Variants in ACSF3 observed in about 807,000 individuals in gnomAD.
ACSF3 encodes acyl-CoA synthetase family member 3, also known as malonate--CoA ligase ACSF3, mitochondrial.
A neutral mutation model predicts 53.2 loss-of-function variants in ACSF3; 78 were observed. That is an observed-to-expected ratio of 1.47 (90% CI 1.22 to 1.77). The LOEUF (loss-of-function observed/expected upper bound fraction) is 1.77. Ranked by LOEUF, ACSF3 falls within the 40% of genes most tolerant of loss-of-function variation. ACSF3 has a pLI of 0.00. For missense variants in ACSF3, 937 were observed against 771.1 expected (o/e 1.22, Z -2.55); for synonymous variants, 414 against 333.1 (o/e 1.24, Z -2.65).
intron 8 of ACSF3, among the ~76,000 whole-genome samples, chr16:89,140,235 C>T (rs537640010): frequency 3.5e-4 from 54 of 152,356 alleles, no homozygotes; most frequent in African/African-American, 1.2e-3. Context: ...CCCTCTGAGC[C>T]TCAGTCTGTC....
At chr16:89,151,864 C>T (rs1914131604) in intron 10 of ACSF3, 1 of 152,286 alleles carries the variant, frequency 6.6e-6, no homozygotes, top group Non-Finnish European at 1.5e-5. Flanking sequence ...GCCTCGGCCT[C>T]CCGAAGTCCT....
At chr16:89,119,119 T>C (rs1597978329) in intron 6 of ACSF3, among the ~76,000 whole-genome samples, 1 of 151,834 alleles carries the variant, frequency 6.6e-6, no homozygotes, top group Admixed American at 6.6e-5. Flanking sequence ...GCACCTGGAG[T>C]GTGGGGGCCA....
intron 4 of ACSF3, among the ~76,000 whole-genome samples, chr16:89,104,758 C>T (rs962125987): frequency 1.3e-5 from 2 of 152,150 alleles, no homozygotes; most frequent in African/African-American, 2.4e-5. Flanking sequence ...GGTTGGAGGC[C>T]GGCTCACAGT....
intron 6 of ACSF3, 88 bp downstream of exon 6, chr16:89,114,575 C>T: frequency 1.9e-6 from 3 of 1,579,502 alleles, no homozygotes; most frequent in Middle Eastern, 4.4e-4. Flanking sequence ...CACATTCGGA[C>T]TGAAGGGCGG....
intron 10 of ACSF3, chr16:89,151,865 C>G (rs919675741): frequency 1.3e-5 from 2 of 152,292 alleles, no homozygotes; most frequent in Non-Finnish European, 2.9e-5. Flanking sequence ...CCTCGGCCTC[C>G]CGAAGTCCTG....
chr16:89,111,518 G>A (rs746010462), intron 4 of ACSF3, among the ~76,000 whole-genome samples: 21 of 152,246 alleles, frequency 1.4e-4, no homozygotes, highest in Non-Finnish European at 1.8e-4. Flanking sequence ...GGAACACCGC[G>A]GGTAGAGAGG....
At chr16:89,123,297 G>T (rs1023465852) in intron 7 of ACSF3, among the ~76,000 whole-genome samples, 2 of 152,158 alleles carry the variant, frequency 1.3e-5, no homozygotes, top group Non-Finnish European at 2.9e-5. Context: ...GATGATGGGC[G>T]CTGTGAACTC....
chr16:89,141,325 C>G (rs1483231269), intron 8 of ACSF3: 1 of 1,280,552 alleles, frequency 7.8e-7, no homozygotes, highest in Non-Finnish European at 1.0e-6. Context: ...GATGTCGACC[C>G]TCGGAGCTGA....
intron 7 of ACSF3, among the ~76,000 whole-genome samples, chr16:89,128,246 TA>T (rs1394131124): frequency 6.7e-6 from 1 of 150,300 alleles, no homozygotes; most frequent in African/African-American, 2.4e-5. Context: ...ATAATATATA[TA>T]TATTTTTTTC....
chr16:89,095,011 G>A (rs559345203), intron 1 of ACSF3, among the ~76,000 whole-genome samples: 1 of 152,370 alleles, frequency 6.6e-6, no homozygotes, highest in Admixed American at 6.5e-5. Flanking sequence ...TGTGTCTGGG[G>A]CATAGTTGTT....
chr16:89,098,338 C>T (rs987482815), intron 1 of ACSF3, among the ~76,000 whole-genome samples: 2 of 152,200 alleles, frequency 1.3e-5, no homozygotes, highest in African/African-American at 4.8e-5. Context: ...AAGAGATGTG[C>T]TGGAGAGAGA....
At chr16:89,153,551 G>T (rs1339748227) in intron 10 of ACSF3, 1 of 169,818 alleles carries the variant, frequency 5.9e-6, no homozygotes, top group Non-Finnish European at 1.3e-5. Context: ...TCCCTGCCGT[G>T]CAGGGCTCTG....
At position 89,101,173 on chromosome 16, in the gene ACSF3, G is replaced by T; in HGVS notation, c.492G>T (p.Gly164=). Residue 164 remains glycine (G), a synonymous_variant, in exon 3 of 11, where the codon GGG becomes GGT. Coordinates refer to ENST00000614302, the MANE Select transcript of ACSF3 (RefSeq NM_001243279.3). ...ELLSPVVRKL[G]VPLLPLTPAI... The stretch of plus-strand genomic sequence containing the variant: ...TGAGCCCGGTGGTCAGGAAGCTGGG[G>T]GTCCCGCTGCTGCCGCTCACACCAG... The T allele has an allele frequency of 6.2e-7, 1 of 1,611,988 alleles. No individual in the cohort carries two copies. Among genetic ancestry groups the T allele is most frequent in the Non-Finnish European group, 8.5e-7 (1 of 1,179,268 alleles).
Position 89,145,254 on chromosome 16 carries a change from C to A in ACSF3, c.1367-13C>A. ...TTAAGGATGGCCAGTTAACCAGAGC[C>A]CCTTTTCCTCAGGGGACACCGTGGT... On this transcript the variant is annotated splice_polypyrimidine_tract_variant and intron_variant, in intron 8 of 10. Coordinates refer to ENST00000614302, the MANE Select transcript of ACSF3 (RefSeq NM_001243279.3). The A allele has an allele frequency of 6.2e-7, 1 of 1,613,676 alleles. No individual in the cohort carries two copies. The highest frequency in any genetic ancestry group is 2.2e-5 in the East Asian group (1 of 44,818).
intron 8 of ACSF3, among the ~76,000 whole-genome samples, chr16:89,139,368 T>C (rs1347857663): frequency 6.6e-6 from 1 of 152,134 alleles, no homozygotes; most frequent in Non-Finnish European, 1.5e-5. Flanking sequence ...CTGTGGGGAC[T>C]GCTTTCCCCT....
chr16:89,145,365 G>T lies in ACSF3; in HGVS notation c.1465G>T (p.Val489Leu), dbSNP rs377596983. The change falls in exon 9 of 11, where the codon GTG becomes TTG. Residue 489 changes from valine (V) to leucine (L), a missense_variant. Transcript: ENST00000614302. ...TGGYKVSALE[V>L]EWHLLAHPSI... ...AGGCTACAAGGTCAGCGCCCTGGAG[G>T]TGGAGTGGCACCTGCTGGCCCACCC... 4.3e-6 allele frequency: 7 copies of T among 1,614,212 alleles called. No homozygotes were observed. In the Admixed American group the frequency reaches 1.2e-4, roughly 27 times the overall value.
intron 10 of ACSF3, chr16:89,147,942 G>C (rs887682299): frequency 6.6e-6 from 1 of 152,132 alleles, no homozygotes; most frequent in African/African-American, 2.4e-5. Context: ...TAAAATCAAA[G>C]ACAAGTTACT....
intron 7 of ACSF3, among the ~76,000 whole-genome samples, chr16:89,128,658 A>G (rs1908653438): frequency 6.6e-6 from 1 of 152,210 alleles, no homozygotes; most frequent in South Asian, 2.1e-4. Context: ...AGTATAGCAC[A>G]TATTTTCCAA....
intron 10 of ACSF3, chr16:89,153,782 C>T: frequency 2.3e-6 from 1 of 427,442 alleles, no homozygotes; most frequent in Non-Finnish European, 4.4e-6. Context: ...GTGGGGGCCC[C>T]TCTGCCCTGC....
Sources: allele counts gnomAD v4.1 joint callset (sites outside exome capture counted in the v4.1 genomes callset), GRCh38; gene constraint gnomAD v4.1.1; transcripts MANE v1.5; gene names NCBI Gene and HGNC (gene_info 2026-07-23, HGNC 2026-07-21).